GRM8: variants seen among roughly 807,000 people sequenced by gnomAD.
GRM8 encodes the protein metabotropic glutamate receptor 8.
GRM8 carries 47 observed loss-of-function variants against 87.2 expected under a neutral mutation model. That is an observed-to-expected ratio of 0.54 (90% CI 0.43 to 0.69). The LOEUF (loss-of-function observed/expected upper bound fraction) is 0.69. GRM8 is among the 30% of genes least tolerant of loss of function. The pLI is 0.00. For missense variants in GRM8, 1,019 were observed against 1,139.2 expected (o/e 0.89, Z 1.52); for synonymous variants, 396 against 404.5 (o/e 0.98, Z 0.25).
At chr7:126,970,551 T>C (rs1810316937) in intron 3 of GRM8, among the ~76,000 whole-genome samples, 1 of 135,400 alleles carries the variant, frequency 7.4e-6, no homozygotes. Context: ...ATGGGAATGT[T>C]GTGGCTGGTT....
intron 5 of GRM8, among the ~76,000 whole-genome samples, chr7:126,903,641 ATATAGG>A (rs1316300691): frequency 9.5e-6 from 1 of 104,992 alleles, no homozygotes; most frequent in Non-Finnish European, 2.0e-5. Context: ...ATGTGTATAT[ATATAGG>A]TATATGTGTA....
chr7:127,187,972 T>C (rs1036828906), intron 2 of GRM8, among the ~76,000 whole-genome samples: 3 of 152,238 alleles, frequency 2.0e-5, no homozygotes, highest in African/African-American at 7.2e-5. Flanking sequence ...ACAATCTTTT[T>C]TGTGGTTGGC....
chr7:127,069,926 A>G (rs1821510872), intron 3 of GRM8, among the ~76,000 whole-genome samples: 1 of 152,220 alleles, frequency 6.6e-6, no homozygotes, highest in Non-Finnish European at 1.5e-5. Context: ...CAACATTAGT[A>G]GGTGTTCAAC....
chr7:127,185,243 T>C (rs1463746405), intron 2 of GRM8, among the ~76,000 whole-genome samples: 1 of 152,074 alleles, frequency 6.6e-6, no homozygotes, highest in Admixed American at 6.6e-5. Flanking sequence ...AATGTCGTAT[T>C]AGCAAAAGAA....
chr7:126,634,278 G>A (rs1463132323), intron 7 of GRM8, among the ~76,000 whole-genome samples: 1 of 152,124 alleles, frequency 6.6e-6, no homozygotes, highest in Non-Finnish European at 1.5e-5. Context: ...ATTATCAGCT[G>A]TCTTGTTAAG....
intron 7 of GRM8, among the ~76,000 whole-genome samples, chr7:126,699,456 A>C (rs1809701791): frequency 6.6e-6 from 1 of 152,190 alleles, no homozygotes; most frequent in African/African-American, 2.4e-5. Context: ...AAAATTCATG[A>C]TATTTCATGA....
At chr7:126,538,937 A>C (rs1704986936) in intron 8 of GRM8, among the ~76,000 whole-genome samples, 1 of 151,946 alleles carries the variant, frequency 6.6e-6, no homozygotes, top group East Asian at 1.9e-4. Flanking sequence ...GTCTCTCTAT[A>C]TATATATTTC....
chr7:126,973,896 G>A (rs531326242), intron 3 of GRM8, among the ~76,000 whole-genome samples: 1 of 152,228 alleles, frequency 6.6e-6, no homozygotes, highest in Non-Finnish European at 1.5e-5. Flanking sequence ...AGGATGCACA[G>A]GTCCAGAAAT....
chr7:126,665,539 G>A (rs1805663391), intron 7 of GRM8, among the ~76,000 whole-genome samples: 1 of 152,074 alleles, frequency 6.6e-6, no homozygotes, highest in African/African-American at 2.4e-5. Context: ...TCATAAGTGA[G>A]AACTAAGCAT....
At chr7:126,904,360 A>G (rs1802466767) in intron 4 of GRM8, among the ~76,000 whole-genome samples, 188 bp downstream of exon 4, 1 of 152,154 alleles carries the variant, frequency 6.6e-6, no homozygotes, top group African/African-American at 2.4e-5. Flanking sequence ...CATTCTGTCT[A>G]TCACCTTTGT....
rs74775260 is a variant in GRM8, at chr7:126,469,805, T to G, written c.2431-23433A>C. Among the ~76,000 whole-genome samples, 663 of 152,174 alleles carry G rather than the reference T, an allele frequency of 4.4e-3. 2 individuals carry two copies. Among genetic ancestry groups the G allele is most frequent in the African/African-American group, 0.015 (641 of 41,526 alleles). On this transcript the variant is annotated intron_variant, in intron 9 of 10. Transcript: ENST00000339582. ...GCAGTGTAAGAAAGGACTAATACAG[T>G]AAATTGGTACTGGTAGAGTGTGGTA...
At chr7:127,241,278 A>T (rs940385821) in intron 2 of GRM8, among the ~76,000 whole-genome samples, 1 of 152,220 alleles carries the variant, frequency 6.6e-6, no homozygotes, top group Admixed American at 6.5e-5. Flanking sequence ...CCTCTGAGAT[A>T]TCTGCCAAGC....
chr7:127,155,142 G>A (rs17861414), intron 2 of GRM8, among the ~76,000 whole-genome samples: 26 of 152,076 alleles, frequency 1.7e-4, no homozygotes, highest in Non-Finnish European at 3.5e-4. Context: ...TAGGATGATG[G>A]TTCCAGCATG....
intron 7 of GRM8, among the ~76,000 whole-genome samples, chr7:126,681,654 A>C (rs1807601534): frequency 6.6e-6 from 1 of 152,212 alleles, no homozygotes; most frequent in Non-Finnish European, 1.5e-5. Context: ...CTCATTCCCA[A>C]GTACACAGAC....
intron 9 of GRM8, among the ~76,000 whole-genome samples, chr7:126,449,693 A>C (rs781698575): frequency 4.0e-5 from 6 of 151,888 alleles, no homozygotes; most frequent in Non-Finnish European, 7.4e-5. Context: ...GCTTAGAATA[A>C]TATAACAGCT....
intron 10 of GRM8, among the ~76,000 whole-genome samples, chr7:126,442,974 A>T (rs2150451528): frequency 6.6e-6 from 1 of 152,168 alleles, no homozygotes. Context: ...TTATAGAGCA[A>T]AATGAATCAG....
intron 3 of GRM8, among the ~76,000 whole-genome samples, chr7:127,016,205 C>T (rs1378217692): frequency 6.6e-6 from 1 of 152,040 alleles, no homozygotes; most frequent in African/African-American, 2.4e-5. Flanking sequence ...AATACATCCA[C>T]CAATAAAGAG....
rs543442764 is a variant in GRM8, at chr7:127,026,777, C to A, written c.727+79719G>T. ...TGGGTGGATTGCAAAACTTTTCTCC[C>A]ATTCTGTAGGTTGCCTGTTCACTCT... On this transcript the variant is annotated intron_variant, in intron 3 of 10. Transcript: ENST00000339582. Among the ~76,000 whole-genome samples, 16 of 152,220 alleles carry A rather than the reference C, an allele frequency of 1.1e-4. No homozygotes were observed. The South Asian group carries it at 1.9e-3, about 18-fold the overall frequency.
At chr7:126,479,020 C>A (rs1806336144) in intron 9 of GRM8, among the ~76,000 whole-genome samples, 1 of 152,022 alleles carries the variant, frequency 6.6e-6, no homozygotes, top group Non-Finnish European at 1.5e-5. Flanking sequence ...AGAAGATGAT[C>A]TTTAGTCTCT....
Sources: allele counts gnomAD v4.1 joint callset (sites outside exome capture counted in the v4.1 genomes callset), GRCh38; gene constraint gnomAD v4.1.1; transcripts MANE v1.5; gene names NCBI Gene and HGNC (gene_info 2026-07-23, HGNC 2026-07-21).